Variants in DSCAML1 observed in about 807,000 individuals in gnomAD.
The protein encoded by DSCAML1 is DS cell adhesion molecule like 1.
DSCAML1 carries 38 observed loss-of-function variants against 200.5 expected under a neutral mutation model. The ratio of observed to expected loss-of-function variants is 0.19; its 90% confidence interval spans 0.15 to 0.25. The LOEUF (loss-of-function observed/expected upper bound fraction) is 0.25. DSCAML1 is among the 10% of genes least tolerant of loss of function. The pLI, the probability that DSCAML1 is intolerant of heterozygous loss-of-function variation, is 1.00. For synonymous variants in DSCAML1, 1,215 were observed against 1,165.0 expected (o/e 1.04, Z -0.87); for missense variants, 2,223 against 2,858.8 (o/e 0.78, Z 5.07).
In DSCAML1 at chr11:117,804,190, G is replaced by A. The variant is rs577817646; in HGVS notation, c.-250+13200C>T. Among the ~76,000 whole-genome samples, 104 of 152,372 alleles carry A rather than the reference G, an allele frequency of 6.8e-4. 1 individual carries two copies. Among genetic ancestry groups the A allele is most frequent in the Middle Eastern group, 3.4e-3 (1 of 294 alleles). On this transcript the variant is annotated intron_variant, in intron 1 of 2. Coordinates refer to the DSCAML1 transcript ENST00000525836. ...TGAGTGGGCTGCAATTTGGGACAGT[G>A]AGGCTGAACAAAGACATTGCCTGGA...
intron 1 of DSCAML1, 39 bp downstream of exon 1, chr11:117,796,969 TCGCCGCCAGCCGCGCCACCCTGGCCC>T (rs925703674): frequency 8.3e-7 from 1 of 1,209,092 alleles, no homozygotes; most frequent in African/African-American, 1.6e-5. Context: ...GCACCCCGCC[TCGCCGCCAGCCGCGCCACCCTGGCCC>T]CGCCGCCTCC....
rs770064594 is a variant in DSCAML1, at chr11:117,444,044, G to A, written c.3709-5C>T. 14 of 1,609,348 alleles carry A rather than the reference G, an allele frequency of 8.7e-6. No homozygotes were observed. The highest frequency in any genetic ancestry group is 8.0e-5 in the African/African-American group (6 of 74,824). On this transcript the variant is annotated splice_polypyrimidine_tract_variant and splice_region_variant and intron_variant, in intron 20 of 32. Transcript: ENST00000651296. Reference sequence around the variant, plus strand: ...CGTCTCGTACTCGCTGGGAGCCTGCGGGGCAGAGGCAAAGAGGCTCTAAGA... The same window carrying A: ...CGTCTCGTACTCGCTGGGAGCCTGCAGGGCAGAGGCAAAGAGGCTCTAAGA...
chr11:117,654,492 GC>G (rs2052694839), intron 3 of DSCAML1, among the ~76,000 whole-genome samples: 1 of 152,154 alleles, frequency 6.6e-6, no homozygotes, highest in African/African-American at 2.4e-5. Context: ...ACTTCTCTGG[GC>G]CCCTGTTGGC....
In DSCAML1 at chr11:117,516,992, A is replaced by G. The variant is rs1339209297; in HGVS notation, c.1511-253T>C. On this transcript the variant is annotated intron_variant, in intron 7 of 32. Coordinates refer to ENST00000651296, the MANE Select transcript of DSCAML1 (RefSeq NM_020693.4). This position sits in a 1 kb window ranked among gnomAD's most constrained non-coding sequence, Gnocchi z 5.7. The stretch of plus-strand genomic sequence containing the variant: ...AAAGAGTTGCAAACGGACGCAGTAT[A>G]TACATGCCTTGGCCAAGAGCCATTC... 6.6e-6 allele frequency among the ~76,000 whole-genome samples: 1 copy of G among 152,238 alleles called. No homozygotes were observed. The highest frequency in any genetic ancestry group is 2.4e-5 in the African/African-American group (1 of 41,466).
chr11:117,434,061 G>A (rs1436892924), intron 27 of DSCAML1, among the ~76,000 whole-genome samples: 3 of 152,176 alleles, frequency 2.0e-5, no homozygotes, highest in Non-Finnish European at 4.4e-5. Flanking sequence ...GAGAATTAAA[G>A]GGCCTAGTTA....
At chr11:117,621,861 T>C (rs2051940676) in intron 3 of DSCAML1, among the ~76,000 whole-genome samples, 2 of 152,250 alleles carry the variant, frequency 1.3e-5, no homozygotes, top group Admixed American at 6.5e-5. Context: ...GGGTAAGGTA[T>C]GTAGCCTCCT....
intron 3 of DSCAML1, among the ~76,000 whole-genome samples, chr11:117,699,992 G>A (rs552769940): frequency 6.6e-6 from 1 of 152,168 alleles, no homozygotes; most frequent in Non-Finnish European, 1.5e-5. Context: ...GCACAAGGGT[G>A]GGCAGTGACC....
At chr11:117,555,135 T>C (rs1335685490) in intron 3 of DSCAML1, among the ~76,000 whole-genome samples, 4 of 152,224 alleles carry the variant, frequency 2.6e-5, no homozygotes, top group Admixed American at 2.6e-4. Context: ...AGGTGGGGCA[T>C]TGCCCTGGAT....
At chr11:117,688,886 C>G (rs1453011039) in intron 3 of DSCAML1, among the ~76,000 whole-genome samples, 1 of 152,224 alleles carries the variant, frequency 6.6e-6, no homozygotes, top group East Asian at 1.9e-4. Context: ...TGGCTCTGCC[C>G]TGCTGGCAAC....
chr11:117,464,445 C>T (rs1274372254), intron 17 of DSCAML1, among the ~76,000 whole-genome samples: 2 of 152,160 alleles, frequency 1.3e-5, no homozygotes, highest in African/African-American at 4.8e-5. Context: ...GGGTTCTCTC[C>T]AGTCATGGAA....
chr11:117,552,797 A>G (rs923688300), intron 3 of DSCAML1, among the ~76,000 whole-genome samples: 4 of 152,130 alleles, frequency 2.6e-5, no homozygotes, highest in African/African-American at 9.7e-5. Flanking sequence ...TGTCAAATCC[A>G]GGGTCATTTC....
chr11:117,669,913 C>A (rs2053068245), intron 3 of DSCAML1, among the ~76,000 whole-genome samples: 1 of 152,166 alleles, frequency 6.6e-6, no homozygotes, highest in African/African-American at 2.4e-5. Context: ...GTGGCAAGGA[C>A]AAGACCACAG....
intron 3 of DSCAML1, among the ~76,000 whole-genome samples, chr11:117,711,433 G>A (rs539515387): frequency 2.2e-4 from 34 of 152,302 alleles, no homozygotes; most frequent in Middle Eastern, 3.4e-3. Flanking sequence ...TAACTCAGGG[G>A]TCCATAGAGC....
chr11:117,778,271 G>A (rs960129377), intron 2 of DSCAML1, among the ~76,000 whole-genome samples: 11 of 152,160 alleles, frequency 7.2e-5, no homozygotes, highest in African/African-American at 2.7e-4. Flanking sequence ...CCAAAGGTTT[G>A]GGCAGAGCCC....
rs540808192 is a variant in DSCAML1 at position 117,543,720 on chromosome 11, G to T, written c.512-11198C>A. Among the ~76,000 whole-genome samples, 6 of 152,204 alleles carry T rather than the reference G, an allele frequency of 3.9e-5. No homozygotes were observed. The South Asian group carries it at 1.2e-3, about 32-fold the overall frequency. On this transcript the variant is annotated intron_variant, in intron 3 of 32. Transcript: ENST00000651296. Reference sequence around the variant, plus strand: ...TTCTAAACCCCGATTTTCTCTGTTCGTGGAGTTCTTCTGTGGTGTCCATGC... The same window carrying T: ...TTCTAAACCCCGATTTTCTCTGTTCTTGGAGTTCTTCTGTGGTGTCCATGC...
chr11:117,717,174 G>C (rs1487512028), intron 3 of DSCAML1, among the ~76,000 whole-genome samples: 1 of 152,308 alleles, frequency 6.6e-6, no homozygotes, highest in African/African-American at 2.4e-5. Flanking sequence ...GAAGATGGTC[G>C]ATCAGGCTGC....
At chr11:117,473,467 A>G (rs945940819) in intron 14 of DSCAML1, among the ~76,000 whole-genome samples, 2 of 152,238 alleles carry the variant, frequency 1.3e-5, no homozygotes, top group African/African-American at 4.8e-5. Flanking sequence ...ACTGCACTCC[A>G]GCCTGGGCAA....
At position 117,461,544 on chromosome 11, in the gene DSCAML1, C is replaced by T; in HGVS notation, c.3318G>A (p.Val1106=). 6 of 1,614,118 alleles carry T rather than the reference C, an allele frequency of 3.7e-6. No homozygotes were observed. The highest frequency in any genetic ancestry group is 5.1e-6 in the Non-Finnish European group (6 of 1,180,042). ...GGGGCTCTGACCAGGAGATGACGGC[C>T]ACGTCAGAAGTGATGGACAGGGCCC... ...NVRALSITSD[V]AVISWSEPPR... is the part of the protein sequence containing the mutation. Residue 1106 remains valine (V), a synonymous_variant, in exon 18 of 33, where the codon GTG becomes GTA. Coordinates refer to ENST00000651296, the MANE Select transcript of DSCAML1 (RefSeq NM_020693.4).
At chr11:117,803,260 C>G (rs2055677971) in intron 1 of DSCAML1, among the ~76,000 whole-genome samples, 1 of 151,972 alleles carries the variant, frequency 6.6e-6, no homozygotes, top group Non-Finnish European at 1.5e-5. Context: ...GGTGCCTGCA[C>G]CAGGGGTGTG....
Sources: allele counts gnomAD v4.1 joint callset (sites outside exome capture counted in the v4.1 genomes callset), GRCh38; gene constraint gnomAD v4.1.1; non-coding constraint Gnocchi (gnomAD v3.1); transcripts MANE v1.5; gene names NCBI Gene and HGNC (gene_info 2026-07-23, HGNC 2026-07-21).